EFCAB6: variants seen among roughly 807,000 people sequenced by gnomAD.
The protein encoded by EFCAB6 is EF-hand calcium-binding domain-containing protein 6.
EFCAB6 carries 156 observed loss-of-function variants against 169.8 expected under a neutral mutation model. The observed-to-expected ratio is 0.92, with a 90% CI of 0.81 to 1.05. EFCAB6 has a LOEUF of 1.05. Ranked by LOEUF, EFCAB6 falls within the 50% of genes least tolerant of loss-of-function variation. EFCAB6 has a pLI of 0.00. For synonymous variants in EFCAB6, 698 were observed against 676.4 expected (o/e 1.03, Z -0.50); for missense variants, 1,800 against 1,829.1 (o/e 0.98, Z 0.29).
chr22:43,689,938 A>G (rs2058344095), intron 10 of EFCAB6, among the ~76,000 whole-genome samples: 1 of 152,208 alleles, frequency 6.6e-6, no homozygotes, highest in Non-Finnish European at 1.5e-5. Context: ...TCACGTTTTT[A>G]TCCAGGGGCA....
intron 26 of EFCAB6, among the ~76,000 whole-genome samples, chr22:43,559,081 C>G (rs1196882584): frequency 6.6e-6 from 1 of 152,094 alleles, no homozygotes; most frequent in Non-Finnish European, 1.5e-5. Context: ...AACAGGCAAC[C>G]TACAGAATGG....
At chr22:43,703,998 TCC>T (rs2058859169) in intron 10 of EFCAB6, among the ~76,000 whole-genome samples, 1 of 151,954 alleles carries the variant, frequency 6.6e-6, no homozygotes, top group Non-Finnish European at 1.5e-5. Flanking sequence ...GATACCAGTA[TCC>T]CCAAGTTACA....
intron 18 of EFCAB6, among the ~76,000 whole-genome samples, chr22:43,633,240 T>G (rs1192330402): frequency 6.6e-6 from 1 of 152,096 alleles, no homozygotes; most frequent in Non-Finnish European, 1.5e-5. Flanking sequence ...AGGAAGGAAG[T>G]GTAACCTCTC....
intron 3 of EFCAB6, among the ~76,000 whole-genome samples, chr22:43,781,513 G>C (rs1461098311): frequency 2.0e-5 from 3 of 152,024 alleles, no homozygotes; most frequent in African/African-American, 7.3e-5. Context: ...ATTTCTTGTA[G>C]AGACAAGGTC....
chr22:43,600,376 C>T, intron 22 of EFCAB6, 113 bp from the exon 23 acceptor site: 4 of 1,107,620 alleles, frequency 3.6e-6, no homozygotes, highest in Non-Finnish European at 5.2e-6. Flanking sequence ...TTCCATCCCT[C>T]ACCACTCGGA....
chr22:43,809,455 G>A (rs4823146), intron 1 of EFCAB6, among the ~76,000 whole-genome samples: 121,348 of 152,220 alleles, frequency 0.8, 48,467 homozygotes, highest in African/African-American at 0.86. Context: ...GAGTATATAA[G>A]TGTTTGAGAG....
At chr22:43,736,111 TCA>T in intron 6 of EFCAB6, 118 bp from the exon 7 acceptor site, 3 of 1,055,816 alleles carry the variant, frequency 2.8e-6, no homozygotes, top group Non-Finnish European at 3.8e-6. Flanking sequence ...TTTCAAAGAC[TCA>T]CAGTGGTAGG....
chr22:43,799,046 G>C (rs1381755436), intron 2 of EFCAB6, among the ~76,000 whole-genome samples: 1 of 152,150 alleles, frequency 6.6e-6, no homozygotes, highest in Non-Finnish European at 1.5e-5. Flanking sequence ...AATGCAGCTG[G>C]GAGCAGTGGC....
intron 30 of EFCAB6, among the ~76,000 whole-genome samples, chr22:43,534,268 ACTCT>A (rs1170024104): frequency 6.6e-6 from 1 of 151,454 alleles, no homozygotes; most frequent in East Asian, 1.9e-4. Context: ...TTCCCACTTC[ACTCT>A]CTCTCTCACC....
In EFCAB6 at chr22:43,537,404, CCT is replaced by C. The variant is rs3833393; in HGVS notation, c.4019_4020del (p.Gln1340ArgfsTer43). 6.1e-3 allele frequency: 9,806 copies of C among 1,614,084 alleles called. 70 individuals are homozygous for C. The highest frequency in any genetic ancestry group is 0.011 in the East Asian group (478 of 44,860). Reference sequence around the variant, plus strand: ...AGGAAATCGGAGGCGTTGATGTCCCCCTGTCTGGCCACGTCCTTCTCCTTGCA... The same window carrying C: ...AGGAAATCGGAGGCGTTGATGTCCCCGTCTGGCCACGTCCTTCTCCTTGCA... ...KECKEKDVAR[Q>X]GDINASDFLA... is the part of the protein sequence containing the mutation. On this transcript the variant is annotated frameshift_variant, in exon 29 of 32. Coordinates refer to ENST00000262726, the MANE Select transcript of EFCAB6 (RefSeq NM_022785.4). LOFTEE classifies it high-confidence loss of function. This position sits in a 1 kb window ranked among gnomAD's most constrained non-coding sequence, Gnocchi z 4.3.
At chr22:43,688,836 G>T (rs1265778227) in intron 10 of EFCAB6, among the ~76,000 whole-genome samples, 1 of 152,204 alleles carries the variant, frequency 6.6e-6, no homozygotes, top group African/African-American at 2.4e-5. Context: ...GAGTTCCTTA[G>T]ATAATTGATG....
intron 3 of EFCAB6, among the ~76,000 whole-genome samples, chr22:43,775,410 T>C (rs945316055): frequency 3.3e-5 from 5 of 152,254 alleles, no homozygotes; most frequent in African/African-American, 1.2e-4. Flanking sequence ...ATCTCCAAGA[T>C]GAGGTCACGC....
At chr22:43,586,849 T>A (rs2051109183) in intron 24 of EFCAB6, among the ~76,000 whole-genome samples, 1 of 151,918 alleles carries the variant, frequency 6.6e-6, no homozygotes, top group Non-Finnish European at 1.5e-5. Flanking sequence ...AATCTTGAGT[T>A]TTAATGAGCC....
chr22:43,730,728 G>A (rs924207401), intron 8 of EFCAB6, among the ~76,000 whole-genome samples: 2 of 152,166 alleles, frequency 1.3e-5, no homozygotes, highest in Non-Finnish European at 2.9e-5. Flanking sequence ...TTGTCGCACT[G>A]GCACCTGCCT....
intron 23 of EFCAB6, among the ~76,000 whole-genome samples, chr22:43,592,377 T>G (rs1201388634): frequency 6.6e-6 from 1 of 152,210 alleles, no homozygotes; most frequent in African/African-American, 2.4e-5. Context: ...TGTTGCAGAA[T>G]GATTACTCGT....
At chr22:43,712,521 G>A (rs1178579602) in intron 9 of EFCAB6, among the ~76,000 whole-genome samples, 3 of 152,166 alleles carry the variant, frequency 2.0e-5, no homozygotes. Context: ...GGTATCTAAA[G>A]GGAAATATCT....
intron 9 of EFCAB6, chr22:43,716,580 G>A (rs894582246): frequency 2.1e-5 from 8 of 388,002 alleles, no homozygotes; most frequent in Middle Eastern, 6.4e-4. Context: ...ACTCAATAAC[G>A]TTGCATTATT....
At chr22:43,693,958 A>G (rs560797482) in intron 10 of EFCAB6, among the ~76,000 whole-genome samples, 3 of 152,136 alleles carry the variant, frequency 2.0e-5, no homozygotes, top group African/African-American at 7.2e-5. Flanking sequence ...AAATGGATAC[A>G]ATAAAAAGAA....
At chr22:43,613,234 TTCATA>T (rs2053450501) in intron 21 of EFCAB6, among the ~76,000 whole-genome samples, 1 of 149,158 alleles carries the variant, frequency 6.7e-6, no homozygotes, top group African/African-American at 2.4e-5. Context: ...CATAAATATA[TTCATA>T]TCATATATTT....
Sources: allele counts gnomAD v4.1 joint callset (sites outside exome capture counted in the v4.1 genomes callset), GRCh38; gene constraint gnomAD v4.1.1; non-coding constraint Gnocchi (gnomAD v3.1); transcripts MANE v1.5; gene names NCBI Gene and HGNC (gene_info 2026-07-23, HGNC 2026-07-21).